The following FGF12 variants were observed in gnomAD, a reference collection of about 807,000 sequenced individuals.
The protein encoded by FGF12 is fibroblast growth factor 12B.
A neutral mutation model predicts 23.6 loss-of-function variants in FGF12; 14 were observed. That is an observed-to-expected ratio of 0.59 (90% CI 0.39 to 0.93). The LOEUF (loss-of-function observed/expected upper bound fraction) is 0.93, where lower values mean the gene tolerates loss of function less well. Ranked by LOEUF, FGF12 falls within the 40% of genes least tolerant of loss-of-function variation. The pLI is 0.00. For missense variants in FGF12, 175 were observed against 217.8 expected (o/e 0.80, Z 1.24); for synonymous variants, 62 against 77.3 (o/e 0.80, Z 1.04).
intron 2 of FGF12, among the ~76,000 whole-genome samples, chr3:192,488,375 T>C (rs565912143): frequency 7.9e-5 from 12 of 152,200 alleles, no homozygotes; most frequent in African/African-American, 2.2e-4. Flanking sequence ...CAGGTCTAAA[T>C]TGTATCTTCC....
chr3:192,326,217 G>T (rs192064115), intron 4 of FGF12, among the ~76,000 whole-genome samples: 1 of 152,114 alleles, frequency 6.6e-6, no homozygotes, highest in Non-Finnish European at 1.5e-5. Flanking sequence ...CAAAAGAAAG[G>T]AAATACAGAG....
At chr3:192,209,137 A>C (rs541769360) in intron 4 of FGF12, among the ~76,000 whole-genome samples, 1 of 152,326 alleles carries the variant, frequency 6.6e-6, no homozygotes, top group South Asian at 2.1e-4. Context: ...AATATATATT[A>C]TGGGACTTTC....
chr3:192,456,679 G>A (rs1421424339), intron 2 of FGF12, among the ~76,000 whole-genome samples: 1 of 152,100 alleles, frequency 6.6e-6, no homozygotes, highest in African/African-American at 2.4e-5. Flanking sequence ...AACATTTTAT[G>A]TATGAACTCT....
intron 4 of FGF12, among the ~76,000 whole-genome samples, chr3:192,216,651 G>A (rs1341366063): frequency 6.6e-6 from 1 of 152,118 alleles, no homozygotes; most frequent in Non-Finnish European, 1.5e-5. Context: ...CAATAGCAGG[G>A]TAGAAAACAA....
intron 2 of FGF12, among the ~76,000 whole-genome samples, chr3:192,596,844 A>G (rs1014234568): frequency 3.1e-4 from 47 of 152,230 alleles, no homozygotes; most frequent in Non-Finnish European, 1.5e-4. Context: ...CACCCAATTA[A>G]TCAGCATCAG....
rs547663849 is a variant in FGF12, at chr3:192,281,596, C to A, written c.228+53765G>T. Among the ~76,000 whole-genome samples, 7 of 152,256 alleles carry A rather than the reference C, an allele frequency of 4.6e-5. No homozygotes were observed. The South Asian group carries it at 1.2e-3, about 27-fold the overall frequency. On this transcript the variant is annotated intron_variant, in intron 4 of 5. Transcript: ENST00000445105. ...AGACCCTATATTAAACACATAATCT[C>A]TGTAATGACTTCACAGATGTCTCCA...
intron 2 of FGF12, among the ~76,000 whole-genome samples, chr3:192,443,611 T>G (rs1357648939): frequency 6.6e-6 from 1 of 152,190 alleles, no homozygotes; most frequent in African/African-American, 2.4e-5. Flanking sequence ...GGCTCAATAT[T>G]TAAAATAACA....
At chr3:192,442,747 C>T (rs558333700) in intron 2 of FGF12, among the ~76,000 whole-genome samples, 6 of 151,864 alleles carry the variant, frequency 4.0e-5, no homozygotes, top group Non-Finnish European at 5.9e-5. Context: ...CTGAGATGAG[C>T]CCTAGCTAAA....
chr3:192,334,316 T>A (rs1194045801), intron 4 of FGF12, among the ~76,000 whole-genome samples: 1 of 151,992 alleles, frequency 6.6e-6, no homozygotes, highest in Non-Finnish European at 1.5e-5. Flanking sequence ...GGTACCAGAG[T>A]TTTGTTTAAT....
At chr3:192,667,001 T>C (rs1452725531) in intron 2 of FGF12, among the ~76,000 whole-genome samples, 1 of 152,094 alleles carries the variant, frequency 6.6e-6, no homozygotes, top group Non-Finnish European at 1.5e-5. Flanking sequence ...AAAACAAGTT[T>C]ATTATGTGGA....
At chr3:192,167,250 G>C (rs560690696) in intron 5 of FGF12, among the ~76,000 whole-genome samples, 1 of 151,224 alleles carries the variant, frequency 6.6e-6, no homozygotes, top group East Asian at 1.9e-4. Flanking sequence ...AGTGCGATAA[G>C]TAGCATATGG....
At chr3:192,669,640 T>G (rs1170779321) in intron 2 of FGF12, among the ~76,000 whole-genome samples, 3 of 137,254 alleles carry the variant, frequency 2.2e-5, no homozygotes, top group East Asian at 2.0e-4. Flanking sequence ...AAAATTGGTG[T>G]GATCCAGAGA....
intron 2 of FGF12, among the ~76,000 whole-genome samples, chr3:192,630,994 A>C (rs1291110584): frequency 2.0e-5 from 3 of 151,868 alleles, no homozygotes; most frequent in Non-Finnish European, 4.4e-5. Context: ...TTTCCCCCCA[A>C]ATTTTGCCTC....
intron 2 of FGF12, among the ~76,000 whole-genome samples, chr3:192,533,766 TG>T (rs1029349186): frequency 9.2e-5 from 14 of 152,352 alleles, no homozygotes; most frequent in African/African-American, 3.4e-4. Flanking sequence ...CTCTGTTGTC[TG>T]CATGCATATC....
chr3:192,415,141 AC>A (rs1387768868), intron 2 of FGF12, among the ~76,000 whole-genome samples: 1 of 152,136 alleles, frequency 6.6e-6, no homozygotes, highest in African/African-American at 2.4e-5. Context: ...TTTGGCTTAT[AC>A]CACCTAGGAG....
rs558471956 is a variant in FGF12 at position 192,607,308 on chromosome 3, A to G, written c.13+119873T>C. On this transcript the variant is annotated intron_variant, in intron 2 of 5. Coordinates refer to ENST00000445105, the MANE Select transcript of FGF12 (RefSeq NM_004113.6). The stretch of plus-strand genomic sequence containing the variant: ...ATCAGAAAGCCGTTCTGCTGAGCAA[A>G]GAAGAGAGGAGCACAGAGAGAAGGT... Among the ~76,000 whole-genome samples the G allele has an allele frequency of 2.6e-5, 4 of 152,286 alleles. No homozygotes were observed. The East Asian group carries it at 5.8e-4, about 22-fold the overall frequency.
chr3:192,280,527 C>CA (rs1325720073), intron 4 of FGF12, among the ~76,000 whole-genome samples: 1 of 152,162 alleles, frequency 6.6e-6, no homozygotes, highest in East Asian at 1.9e-4. Flanking sequence ...AAGCAAATCT[C>CA]AAGTCGCTGA....
chr3:192,630,415 T>C (rs1177150571), intron 2 of FGF12, among the ~76,000 whole-genome samples: 9 of 151,984 alleles, frequency 5.9e-5, no homozygotes, highest in Non-Finnish European at 7.4e-5. Context: ...TTTCATTTTA[T>C]AGATACGGAA....
chr3:192,439,800 C>T (rs1022625038), intron 2 of FGF12, among the ~76,000 whole-genome samples: 2 of 151,928 alleles, frequency 1.3e-5, no homozygotes, highest in South Asian at 2.1e-4. Flanking sequence ...GATGGTGAAA[C>T]CCCGTCTCTA....
Sources: allele counts gnomAD v4.1 joint callset (sites outside exome capture counted in the v4.1 genomes callset), GRCh38; gene constraint gnomAD v4.1.1; transcripts MANE v1.5; gene names NCBI Gene and HGNC (gene_info 2026-07-23, HGNC 2026-07-21).